LCOR: variants seen among roughly 807,000 people sequenced by gnomAD.
LCOR encodes the protein ligand dependent nuclear receptor corepressor.
LCOR carries 14 observed loss-of-function variants against 64.4 expected under a neutral mutation model. That is an observed-to-expected ratio of 0.22 (90% CI 0.14 to 0.34). The LOEUF (loss-of-function observed/expected upper bound fraction) is 0.34. Among genes scored for constraint, LCOR ranks in the 10% least tolerant of loss-of-function variants. LCOR has a pLI of 1.00. For missense variants in LCOR, 1,686 were observed against 1,765.3 expected (o/e 0.96, Z 0.80); for synonymous variants, 643 against 642.5 (o/e 1.00, Z -0.01).
intron 2 of LCOR, among the ~76,000 whole-genome samples, chr10:96,897,902 T>C (rs1465910460): frequency 6.6e-6 from 1 of 150,646 alleles, no homozygotes; most frequent in Admixed American, 6.6e-5. Context: ...GTCAGATATC[T>C]GTTACCCTTC....
At position 96,984,261 on chromosome 10, in the gene LCOR, A is replaced by G. The variant is rs1848124368; in HGVS notation, c.3801A>G (p.Gln1267=). Residue 1267 remains glutamine (Q), a synonymous_variant, in exon 8 of 8, where the codon CAA becomes CAG. Coordinates refer to ENST00000421806, the MANE Select transcript of LCOR (RefSeq NM_001346516.2). ...LWAKFRENPD[Q]VEPEDGSDVS... Reference sequence around the variant, plus strand: ...CCAAATTTCGAGAGAATCCTGATCAAGTGGAGCCAGAAGATGGCAGTGATG... The same window carrying G: ...CCAAATTTCGAGAGAATCCTGATCAGGTGGAGCCAGAAGATGGCAGTGATG... 6.2e-7 allele frequency: 1 copy of G among 1,614,056 alleles called. No individual in the cohort carries two copies. Among genetic ancestry groups the G allele is most frequent in the African/African-American group, 1.3e-5 (1 of 74,942 alleles).
In LCOR at chr10:96,985,109, A is replaced by T; in HGVS notation, c.4649A>T (p.Lys1550Ile). 1 of 1,601,124 alleles carries T rather than the reference A, an allele frequency of 6.2e-7. No homozygotes were observed. Among genetic ancestry groups the T allele is most frequent in the Non-Finnish European group, 8.5e-7 (1 of 1,175,842 alleles). ...LKAKLDCSHS[K>I]RRRLDAK ...GCAAAGCTGGACTGTTCGCACAGCA[A>T]ACGGAGGCGGCTGGATGCAAAGTGA... Residue 1550 changes from lysine (K) to isoleucine (I), a missense_variant, in exon 8 of 8, where the codon AAA (lysine) becomes ATA (isoleucine). Physicochemically the swap from Lys to Ile is moderately radical, Grantham distance 102. Coordinates refer to ENST00000421806, the MANE Select transcript of LCOR (RefSeq NM_001346516.2).
chr10:96,914,147 C>T (rs989112862), intron 4 of LCOR, among the ~76,000 whole-genome samples: 1 of 152,118 alleles, frequency 6.6e-6, no homozygotes, highest in Non-Finnish European at 1.5e-5. Flanking sequence ...TCTTCCAATT[C>T]GTGAATATGC....
intron 6 of LCOR, 139 bp downstream of exon 6, chr10:96,949,434 T>C (rs1847640979): frequency 1.2e-6 from 1 of 816,944 alleles, no homozygotes. Flanking sequence ...TTTCTTACTA[T>C]GCAGTGATGG....
chr10:96,925,079 T>G (rs1163720988), intron 4 of LCOR, among the ~76,000 whole-genome samples: 1 of 151,878 alleles, frequency 6.6e-6, no homozygotes, highest in East Asian at 1.9e-4. Context: ...TCATTTTTAT[T>G]TATTTATTTA....
Position 96,984,705 on chromosome 10 carries a change from T to C in LCOR, c.4245T>C (p.Pro1415=). The change falls in exon 8 of 8, where the codon CCT becomes CCC. Residue 1415 remains proline, a synonymous_variant. Transcript: ENST00000421806. ...CTCCAGATAGTAAGAACAAGGGGCC[T>C]ACGGTGAAAGCCAGCAAAGAAAAGC... ...SSPPDSKNKG[P]TVKASKEKHA... is the part of the protein sequence containing the mutation. The C allele has an allele frequency of 6.2e-7, 1 of 1,613,954 alleles. No homozygotes were observed. Among genetic ancestry groups the C allele is most frequent in the Non-Finnish European group, 8.5e-7 (1 of 1,180,016 alleles).
chr10:96,934,663 G>A (rs1384533265), intron 4 of LCOR, among the ~76,000 whole-genome samples: 3 of 151,942 alleles, frequency 2.0e-5, no homozygotes, highest in Non-Finnish European at 4.4e-5. Context: ...ATGCAGTGGC[G>A]CAGTCTTGGC....
At chr10:96,965,661 C>G (rs560290771) in intron 7 of LCOR, among the ~76,000 whole-genome samples, 3 of 65,300 alleles carry the variant, frequency 4.6e-5, no homozygotes, top group African/African-American at 1.1e-4. Flanking sequence ...GACTCTGTCT[C>G]AAAAAAAAAA....
intron 1 of LCOR, chr10:96,833,133 G>A: frequency 5.1e-6 from 5 of 985,620 alleles, no homozygotes; most frequent in Non-Finnish European, 6.0e-6. Flanking sequence ...GTGCGTATTT[G>A]TGTTCGGTGT....
At chr10:96,921,964 A>G (rs1847089258) in intron 4 of LCOR, among the ~76,000 whole-genome samples, 1 of 152,144 alleles carries the variant, frequency 6.6e-6, no homozygotes, top group South Asian at 2.1e-4. Context: ...TCTGGGAGGG[A>G]TTACTGTAGC....
Position 96,982,390 on chromosome 10 carries a change from A to T in LCOR, c.1930A>T (p.Met644Leu). ...STVSAPTASG[M>L]SSPEHNQPPV... ...AGTCTCAGCTCCCACAGCAAGTGGG[A>T]TGTCTTCTCCTGAACACAACCAACC... Residue 644 changes from methionine to leucine, a missense_variant, in exon 8 of 8, where the codon ATG (methionine) becomes TTG (leucine). By Grantham distance (15) the Met-to-Leu change is conservative. Coordinates refer to ENST00000421806, the MANE Select transcript of LCOR (RefSeq NM_001346516.2). 1 of 1,614,216 alleles carries T rather than the reference A, an allele frequency of 6.2e-7. No individual in the cohort carries two copies. Among genetic ancestry groups the T allele is most frequent in the Non-Finnish European group, 8.5e-7 (1 of 1,180,028 alleles).
chr10:96,885,347 T>C (rs1846324235), intron 2 of LCOR, among the ~76,000 whole-genome samples: 1 of 152,244 alleles, frequency 6.6e-6, no homozygotes, highest in East Asian at 1.9e-4. Flanking sequence ...TGTTTCTCTT[T>C]TAGCATTAGG....
chr10:96,880,704 C>CT (rs755759276), intron 2 of LCOR, among the ~76,000 whole-genome samples: 43 of 152,282 alleles, frequency 2.8e-4, no homozygotes, highest in Non-Finnish European at 5.7e-4. Flanking sequence ...GGCCAGTTAT[C>CT]TGTCTTCTTA....
Position 96,989,829 on chromosome 10 carries a change from C to T in LCOR, c.*4695C>T, listed in dbSNP as rs1848183790. ...TGCTGGGATTACAAGTGAGCCACCG[C>T]ACCAACCCAAGTATGAGTTTCTATG... On this transcript the variant is annotated 3_prime_UTR_variant, in exon 8 of 8. Transcript: ENST00000421806. 6.6e-6 allele frequency: 1 copy of T among 150,750 alleles called. No individual in the cohort carries two copies. Among genetic ancestry groups the T allele is most frequent in the Non-Finnish European group, 1.5e-5 (1 of 67,742 alleles). 9.3% of individuals were successfully genotyped at this position (150,750 alleles called of 1,614,324 possible).
At chr10:96,858,195 G>A (rs1361033185) in intron 2 of LCOR, among the ~76,000 whole-genome samples, 2 of 152,152 alleles carry the variant, frequency 1.3e-5, no homozygotes, top group African/African-American at 4.8e-5. Flanking sequence ...TTTTCTATTT[G>A]TGTGAATTGT....
chr10:96,971,837 G>T (rs1848001698), intron 7 of LCOR, among the ~76,000 whole-genome samples: 1 of 152,234 alleles, frequency 6.6e-6, no homozygotes, highest in Non-Finnish European at 1.5e-5. Context: ...AATAAAAATT[G>T]AGGTAGAATA....
intron 7 of LCOR, among the ~76,000 whole-genome samples, chr10:96,976,212 C>T (rs1848039206): frequency 6.6e-6 from 1 of 152,154 alleles, no homozygotes; most frequent in Non-Finnish European, 1.5e-5. Flanking sequence ...GCCATTTTCT[C>T]TGGAGGTTGC....
intron 2 of LCOR, among the ~76,000 whole-genome samples, chr10:96,842,879 C>T (rs543134511): frequency 1.3e-5 from 2 of 152,240 alleles, no homozygotes; most frequent in Non-Finnish European, 2.9e-5. Context: ...GATCCACCCA[C>T]CTTGGCCCCC....
intron 7 of LCOR, among the ~76,000 whole-genome samples, chr10:96,972,775 A>G (rs1476704492): frequency 6.6e-6 from 1 of 152,234 alleles, no homozygotes; most frequent in African/African-American, 2.4e-5. Flanking sequence ...CTTCATGCCC[A>G]GTAAGCTCCC....
Sources: allele counts gnomAD v4.1 joint callset (sites outside exome capture counted in the v4.1 genomes callset), GRCh38; gene constraint gnomAD v4.1.1; transcripts MANE v1.5; gene names NCBI Gene and HGNC (gene_info 2026-07-23, HGNC 2026-07-21).